HS3ST4: variants seen among roughly 807,000 people sequenced by gnomAD.
The protein encoded by HS3ST4 is heparan sulfate glucosamine 3-O-sulfotransferase 4.
HS3ST4 carries 17 observed loss-of-function variants against 29.2 expected under a neutral mutation model. The ratio of observed to expected loss-of-function variants is 0.58; its 90% CI spans 0.40 to 0.87. The LOEUF is 0.87. HS3ST4 is among the 40% of genes least tolerant of loss of function. The pLI is 0.00. For missense variants in HS3ST4, 627 were observed against 634.5 expected (o/e 0.99, Z 0.13); for synonymous variants, 314 against 285.7 (o/e 1.10, Z -1.00).
rs375914706 is a variant in HS3ST4 at position 26,030,454 on chromosome 16, T to C, written c.735-105158T>C. Among the ~76,000 whole-genome samples, 4 of 152,326 alleles carry C rather than the reference T, an allele frequency of 2.6e-5. No individual in the cohort carries two copies. In the South Asian group the frequency reaches 6.2e-4, roughly 24 times the overall value. On this transcript the variant is annotated intron_variant, in intron 1 of 1. Coordinates refer to ENST00000331351, the MANE Select transcript of HS3ST4 (RefSeq NM_006040.3). ...GAAATTGTTTATATTTCTAGGTTAA[T>C]GATGAGGTGCAAATAAATCAACGCA...
chr16:25,947,403 A>G (rs1447567090), intron 1 of HS3ST4, among the ~76,000 whole-genome samples: 2 of 152,108 alleles, frequency 1.3e-5, no homozygotes, highest in African/African-American at 2.4e-5. Context: ...TCCAAATCTC[A>G]ATGGCCCACA....
chr16:25,960,893 T>C (rs1023618908), intron 1 of HS3ST4, among the ~76,000 whole-genome samples: 1 of 152,162 alleles, frequency 6.6e-6, no homozygotes, highest in Non-Finnish European at 1.5e-5. Context: ...GGGTAGAAAT[T>C]GCTAACTGGA....
intron 1 of HS3ST4, among the ~76,000 whole-genome samples, chr16:25,999,833 TTATATATATTTTATATATATTA>T (rs1969192867): frequency 8.8e-6 from 1 of 113,294 alleles, no homozygotes. Flanking sequence ...TATTTATATA[TTATATATATTTTATATATATTA>T]TATATATATT....
intron 1 of HS3ST4, among the ~76,000 whole-genome samples, chr16:26,127,140 T>C (rs1379350980): frequency 6.6e-6 from 1 of 152,142 alleles, no homozygotes; most frequent in Admixed American, 6.5e-5. Flanking sequence ...AAATTGTTAA[T>C]ATATCATCCA....
rs553212069 is a variant in HS3ST4 at position 26,068,461 on chromosome 16, T to C, written c.735-67151T>C. Among the ~76,000 whole-genome samples, 7 of 152,280 alleles carry C rather than the reference T, an allele frequency of 4.6e-5. No individual in the cohort carries two copies. The East Asian group carries it at 5.8e-4, about 13-fold the overall frequency. ...TTACAGGTGAGGGTTCTGAGCACCA[T>C]AGACATCAAGGGTCTTCCCCAAATT... is the stretch of plus-strand genomic sequence containing the variant. On this transcript the variant is annotated intron_variant, in intron 1 of 1. Coordinates refer to ENST00000331351, the MANE Select transcript of HS3ST4 (RefSeq NM_006040.3).
intron 1 of HS3ST4, among the ~76,000 whole-genome samples, chr16:25,872,212 G>C (rs576922406): frequency 6.6e-6 from 1 of 152,284 alleles, no homozygotes; most frequent in South Asian, 2.1e-4. Flanking sequence ...ATACTGATGA[G>C]AAGTGGTTTT....
At chr16:25,747,758 T>C (rs1419212913) in intron 1 of HS3ST4, among the ~76,000 whole-genome samples, 3 of 152,190 alleles carry the variant, frequency 2.0e-5, no homozygotes, top group Admixed American at 1.3e-4. Flanking sequence ...TGCCCAAGCA[T>C]GGATGTTTTC....
chr16:26,046,713 G>GTATATA (rs560229651), intron 1 of HS3ST4, among the ~76,000 whole-genome samples: 4 of 150,156 alleles, frequency 2.7e-5, no homozygotes, highest in African/African-American at 9.8e-5. Flanking sequence ...GTATATATGT[G>GTATATA]TATATATATA....
intron 1 of HS3ST4, among the ~76,000 whole-genome samples, chr16:26,032,383 C>G (rs796126008): frequency 1.3e-5 from 2 of 150,732 alleles, no homozygotes; most frequent in African/African-American, 4.9e-5. Flanking sequence ...CCCCTTCCCC[C>G]AAAAACAACA....
At chr16:25,812,952 T>G (rs1048125353) in intron 1 of HS3ST4, among the ~76,000 whole-genome samples, 1 of 152,210 alleles carries the variant, frequency 6.6e-6, no homozygotes, top group Non-Finnish European at 1.5e-5. Flanking sequence ...AAGAATTTTC[T>G]TGGTTCATGT....
chr16:25,845,119 G>T (rs1209359380), intron 1 of HS3ST4, among the ~76,000 whole-genome samples: 1 of 152,166 alleles, frequency 6.6e-6, no homozygotes, highest in Admixed American at 6.5e-5. Flanking sequence ...CTAGGTGATG[G>T]GTTGATAGGT....
At chr16:25,840,152 C>A (rs1331047253) in intron 1 of HS3ST4, among the ~76,000 whole-genome samples, 2 of 152,194 alleles carry the variant, frequency 1.3e-5, no homozygotes, top group Non-Finnish European at 2.9e-5. Flanking sequence ...CTGATACTCA[C>A]TGGTGCATGA....
At chr16:26,131,496 A>C (rs1899418586) in intron 1 of HS3ST4, among the ~76,000 whole-genome samples, 1 of 152,160 alleles carries the variant, frequency 6.6e-6, no homozygotes, top group Non-Finnish European at 1.5e-5. Context: ...TCTCAAGCAC[A>C]CCAAAATGTG....
intron 1 of HS3ST4, among the ~76,000 whole-genome samples, chr16:25,694,132 G>T (rs1229914578): frequency 1.3e-5 from 2 of 152,090 alleles, no homozygotes; most frequent in Admixed American, 1.3e-4. Context: ...CATCTCCATT[G>T]CATTTCGGTA....
At chr16:25,704,452 CT>C (rs1391552884) in intron 1 of HS3ST4, among the ~76,000 whole-genome samples, 1 of 152,122 alleles carries the variant, frequency 6.6e-6, no homozygotes, top group Non-Finnish European at 1.5e-5. Flanking sequence ...ATGTCCTGAG[CT>C]GGATGTCTTA....
chr16:25,853,581 A>G (rs1359443778), intron 1 of HS3ST4, among the ~76,000 whole-genome samples: 1 of 152,058 alleles, frequency 6.6e-6, no homozygotes, highest in East Asian at 1.9e-4. Context: ...TTTCTTCTAT[A>G]CCTATATTGT....
chr16:25,880,936 A>G (rs570469113), intron 1 of HS3ST4, among the ~76,000 whole-genome samples: 1 of 152,158 alleles, frequency 6.6e-6, no homozygotes, highest in South Asian at 2.1e-4. Flanking sequence ...GGTCTCCTCT[A>G]GTTCTGCCTG....
chr16:26,081,502 A>G (rs1396345201), intron 1 of HS3ST4, among the ~76,000 whole-genome samples: 1 of 152,186 alleles, frequency 6.6e-6, no homozygotes, highest in African/African-American at 2.4e-5. Context: ...TGAGGAGTTT[A>G]TGCAAGTGGA....
At chr16:25,862,693 A>G (rs375229325) in intron 1 of HS3ST4, among the ~76,000 whole-genome samples, 47 of 152,370 alleles carry the variant, frequency 3.1e-4, no homozygotes, top group African/African-American at 1.0e-3. Context: ...GTACTTACAG[A>G]CATTTGCATT....
Sources: gnomAD v4.1 joint callset for allele counts (sites outside exome capture counted in the v4.1 genomes callset) on GRCh38, gnomAD v4.1.1 for gene constraint, MANE v1.5 for transcripts, NCBI Gene and HGNC (gene_info 2026-07-23, HGNC 2026-07-21) for gene names.